CTTNBP2: variants seen among roughly 807,000 people sequenced by gnomAD.
The protein encoded by CTTNBP2 is cortactin-binding protein 2.
CTTNBP2 carries 108 observed loss-of-function variants against 156.9 expected under a neutral mutation model. The ratio of observed to expected loss-of-function variants is 0.69; its 90% CI spans 0.59 to 0.81. The LOEUF (loss-of-function observed/expected upper bound fraction) is 0.81. CTTNBP2 is among the 30% of genes least tolerant of loss of function. The pLI is 0.00. For synonymous variants in CTTNBP2, 767 were observed against 751.8 expected, an observed-to-expected ratio of 1.02 and a Z score of -0.33; for missense variants, 1,924 against 2,035.4, an observed-to-expected ratio of 0.95 and a Z score of 1.05.
intron 2 of CTTNBP2, among the ~76,000 whole-genome samples, chr7:117,816,206 C>T (rs1212351185): frequency 6.6e-6 from 1 of 152,178 alleles, no homozygotes; most frequent in East Asian, 1.9e-4. Flanking sequence ...AGGTAGAAAG[C>T]TGGGATCCCA....
In CTTNBP2 at chr7:117,796,569, T is replaced by C. The variant is rs74339611; in HGVS notation, c.415-3788A>G. Among the ~76,000 whole-genome samples the C allele has an allele frequency of 5.1e-3, 777 of 152,324 alleles. 8 individuals are homozygous for C. Among genetic ancestry groups the C allele is most frequent in the African/African-American group, 0.018 (740 of 41,578 alleles). ...CCTTTGTAAGTTCTCTAAAAATTGG[T>C]TCTGTATGATCCTAATTATGTTATT... On this transcript the variant is annotated intron_variant, in intron 3 of 22. Coordinates refer to ENST00000160373, the MANE Select transcript of CTTNBP2 (RefSeq NM_033427.3).
intron 2 of CTTNBP2, among the ~76,000 whole-genome samples, chr7:117,821,665 T>G (rs1467584805): frequency 6.6e-5 from 10 of 151,284 alleles, no homozygotes; most frequent in Non-Finnish European, 1.3e-4. Context: ...CTCGGCTCAC[T>G]GCAAGCTCTG....
chr7:117,823,942 C>CT (rs1563044330), intron 2 of CTTNBP2, among the ~76,000 whole-genome samples: 1 of 104,552 alleles, frequency 9.6e-6, no homozygotes, highest in East Asian at 3.2e-4. Flanking sequence ...ACTAAGGAAT[C>CT]TTTCAGGTCT....
chr7:117,847,264 G>A (rs183815039), intron 2 of CTTNBP2, among the ~76,000 whole-genome samples: 36 of 152,298 alleles, frequency 2.4e-4, no homozygotes, highest in African/African-American at 7.0e-4. Flanking sequence ...GGCCGGGTGT[G>A]GTAGCTCACG....
chr7:117,818,878 T>G (rs1052442447), intron 2 of CTTNBP2, among the ~76,000 whole-genome samples: 1 of 152,084 alleles, frequency 6.6e-6, no homozygotes, highest in Non-Finnish European at 1.5e-5. Flanking sequence ...TTTTTAAGGG[T>G]CAAAGCTTTT....
chr7:117,810,740 A>C, intron 3 of CTTNBP2, 25 bp downstream of exon 3: 2 of 1,590,948 alleles, frequency 1.3e-6, no homozygotes, highest in South Asian at 1.1e-5. Context: ...TTGTGGGGAA[A>C]ATGACCATTT....
At chr7:117,717,654 G>C (rs1794502330) in intron 22 of CTTNBP2, among the ~76,000 whole-genome samples, 1 of 151,564 alleles carries the variant, frequency 6.6e-6, no homozygotes, top group Admixed American at 6.6e-5. Flanking sequence ...AAGGAATATA[G>C]TGTATATAAA....
chr7:117,750,256 A>T (rs538071448), intron 12 of CTTNBP2, among the ~76,000 whole-genome samples: 1 of 152,272 alleles, frequency 6.6e-6, no homozygotes, highest in South Asian at 2.1e-4. Context: ...ACATAAAGAG[A>T]CCCAACTTCA....
chr7:117,858,173 A>G (rs918908548), intron 2 of CTTNBP2, among the ~76,000 whole-genome samples: 3 of 152,208 alleles, frequency 2.0e-5, no homozygotes, highest in Non-Finnish European at 4.4e-5. Flanking sequence ...GATCAAAACC[A>G]TCCTGGCTAA....
chr7:117,749,481 T>C (rs375425766), intron 12 of CTTNBP2, among the ~76,000 whole-genome samples: 3 of 152,228 alleles, frequency 2.0e-5, no homozygotes, highest in Admixed American at 2.0e-4. Context: ...CAGCAGCTCC[T>C]GTCTCCATCC....
At chr7:117,773,762 A>T (rs749163267) in intron 8 of CTTNBP2, among the ~76,000 whole-genome samples, 16 of 151,888 alleles carry the variant, frequency 1.1e-4, no homozygotes, top group Admixed American at 2.0e-4. Context: ...GCAAAGTTGG[A>T]GAGGAAGTGA....
In CTTNBP2 at chr7:117,792,070, G is replaced by A. The variant is rs971495333; in HGVS notation, c.1126C>T (p.Pro376Ser). ...TTTTCCTCAATTTTGTTTGCACTTGGAGGTGGGAAAGCGGGTACAGAAGCG... is the reference window on the plus strand; with the variant it reads ...TTTTCCTCAATTTTGTTTGCACTTGAAGGTGGGAAAGCGGGTACAGAAGCG... ...IGASVPAFPP[P>S]SANKIEENGP... Residue 376 changes from proline to serine, a missense_variant, in exon 4 of 23, where the codon CCA becomes TCA. Coordinates refer to ENST00000160373, the MANE Select transcript of CTTNBP2 (RefSeq NM_033427.3). The surrounding 1 kb of genome is among the most constrained non-coding windows in gnomAD (Gnocchi z 4.2). 1 of 1,614,030 alleles carries A rather than the reference G, an allele frequency of 6.2e-7. No individual in the cohort carries two copies. The highest frequency in any genetic ancestry group is 1.3e-5 in the African/African-American group (1 of 74,912).
chr7:117,737,956 G>A (rs1005724910), intron 14 of CTTNBP2, among the ~76,000 whole-genome samples: 2 of 152,178 alleles, frequency 1.3e-5, no homozygotes, highest in African/African-American at 2.4e-5. Flanking sequence ...AAGGGAATAC[G>A]GCGTCAGATC....
intron 1 of CTTNBP2, among the ~76,000 whole-genome samples, chr7:117,871,424 T>C (rs1053481464): frequency 1.3e-5 from 2 of 152,218 alleles, no homozygotes; most frequent in Admixed American, 6.5e-5. Context: ...AGAATCCTTA[T>C]TGCATCTCGC....
At chr7:117,713,989 G>A (rs1369600680) in intron 22 of CTTNBP2, 3 of 152,200 alleles carry the variant, frequency 2.0e-5, no homozygotes, top group Admixed American at 6.5e-5. Flanking sequence ...AAAGGCAAGA[G>A]CTTCCTGATA....
intron 3 of CTTNBP2, among the ~76,000 whole-genome samples, chr7:117,802,301 G>A (rs1406976607): frequency 1.3e-5 from 2 of 151,648 alleles, no homozygotes; most frequent in Admixed American, 1.3e-4. Flanking sequence ...CTATGCAGAA[G>A]AGCAAAACTG....
chr7:117,792,556 A>G lies in CTTNBP2; in HGVS notation c.640T>C (p.Ser214Pro), dbSNP rs772458720. ...KKTNELEEEL[S>P]AEKRRSTEME... The stretch of plus-strand genomic sequence containing the variant: ...TCTGTGCTTCTTCGTTTCTCAGCGG[A>G]GAGTTCCTCTTCTAATTCATTCGTC... The change falls in exon 4 of 23, where the codon TCC becomes CCC. Residue 214 changes from serine (S) to proline (P), a missense_variant. Transcript: ENST00000160373. The surrounding 1 kb of genome is among the most constrained non-coding windows in gnomAD (Gnocchi z 4.2). 1 of 1,614,002 alleles carries G rather than the reference A, an allele frequency of 6.2e-7. No individual in the cohort carries two copies. The highest frequency in any genetic ancestry group is 8.5e-7 in the Non-Finnish European group (1 of 1,180,036).
At chr7:117,832,381 CTGA>C (rs1375464403) in intron 2 of CTTNBP2, among the ~76,000 whole-genome samples, 2 of 152,174 alleles carry the variant, frequency 1.3e-5, no homozygotes, top group African/African-American at 4.8e-5. Context: ...TTCCTCTCTG[CTGA>C]TAAGAGGGAC....
At position 117,711,474 on chromosome 7, in the gene CTTNBP2, CTTG is replaced by C. The variant is rs1199842227; in HGVS notation, c.*60_*62del. 4.0e-6 allele frequency: 6 copies of C among 1,506,824 alleles called. No individual in the cohort carries two copies. Among genetic ancestry groups the C allele is most frequent in the South Asian group, 2.6e-5 (2 of 77,112 alleles). 93.3% of individuals were successfully genotyped at this position (1,506,824 alleles called of 1,614,324 possible). On this transcript the variant is annotated 3_prime_UTR_variant, in exon 23 of 23. Transcript: ENST00000160373. ...TTTATCAATTTAAAGGTATTTGTAT[CTTG>C]TTGTCCTTGGTTTCTGTGTGAAATA... is the stretch of plus-strand genomic sequence containing the variant.
Sources: allele counts gnomAD v4.1 joint callset (sites outside exome capture counted in the v4.1 genomes callset), GRCh38; gene constraint gnomAD v4.1.1; non-coding constraint Gnocchi (gnomAD v3.1); transcripts MANE v1.5; gene names NCBI Gene and HGNC (gene_info 2026-07-23, HGNC 2026-07-21).